The following ATP8B4 variants were observed in gnomAD, a reference collection of about 807,000 sequenced individuals.
ATP8B4 encodes ATPase phospholipid transporting 8B4 (putative), also known as probable phospholipid-transporting ATPase IM.
A neutral mutation model predicts 145.6 loss-of-function variants in ATP8B4; 133 were observed. That is an observed-to-expected ratio of 0.91 (90% confidence interval 0.79 to 1.05). ATP8B4 has a LOEUF of 1.05. ATP8B4 is among the 50% of genes least tolerant of loss of function. The probability of loss-of-function intolerance (pLI) is 0.00; values close to 1 mark genes in which losing one functional copy is unlikely to be tolerated. For synonymous variants in ATP8B4, 507 were observed against 492.9 expected, an observed-to-expected ratio of 1.03 and a Z score of -0.38; for missense variants, 1,458 against 1,425.2, an observed-to-expected ratio of 1.02 and a Z score of -0.37.
intron 23 of ATP8B4, among the ~76,000 whole-genome samples, chr15:49,882,569 A>C (rs1014206533): frequency 1.3e-5 from 2 of 152,256 alleles, no homozygotes; most frequent in South Asian, 2.1e-4. Flanking sequence ...AAAGAATTAT[A>C]ACTATATCCC....
At chr15:49,987,276 G>T in intron 10 of ATP8B4, 115 bp downstream of exon 10, 2 of 1,260,968 alleles carry the variant, frequency 1.6e-6, no homozygotes, top group South Asian at 1.8e-5. Flanking sequence ...TCCAGAGCAC[G>T]ACTTTGCATG....
intron 3 of ATP8B4, among the ~76,000 whole-genome samples, chr15:50,062,072 T>C (rs962855788): frequency 3.9e-5 from 6 of 152,184 alleles, no homozygotes. Context: ...TTTAAGTGTC[T>C]AGAGCATTTA....
intron 1 of ATP8B4, among the ~76,000 whole-genome samples, chr15:50,135,058 G>A (rs1176682025): frequency 1.3e-5 from 2 of 152,214 alleles, no homozygotes; most frequent in Non-Finnish European, 2.9e-5. Context: ...CAAGTGGGTT[G>A]TCTAGAACAA....
intron 23 of ATP8B4, among the ~76,000 whole-genome samples, chr15:49,890,111 G>A (rs929888585): frequency 2.6e-5 from 4 of 152,216 alleles, no homozygotes; most frequent in Non-Finnish European, 5.9e-5. Flanking sequence ...CTTGAGGGTA[G>A]GAACAGCATC....
chr15:49,860,098 C>T lies in ATP8B4; in HGVS notation c.*96G>A. 2 of 1,429,276 alleles carry T rather than the reference C, an allele frequency of 1.4e-6. No homozygotes were observed. Among genetic ancestry groups the T allele is most frequent in the East Asian group, 4.6e-5 (2 of 43,712 alleles). 88.5% of individuals were successfully genotyped at this position (1,429,276 alleles called of 1,614,324 possible). ...AAGTTAAGTGAGGCAATCTGCCTGC[C>T]CCACCTCTTGCCTCAAATCTCAAAC... On this transcript the variant is annotated 3_prime_UTR_variant, in exon 28 of 28. Transcript: ENST00000284509.
intron 14 of ATP8B4, among the ~76,000 whole-genome samples, chr15:49,950,590 TAAA>T (rs766902500): frequency 6.5e-5 from 3 of 46,322 alleles, no homozygotes; most frequent in African/African-American, 1.7e-4. Context: ...ATGTATTAAC[TAAA>T]AAAAAAAAAC....
intron 9 of ATP8B4, among the ~76,000 whole-genome samples, chr15:49,993,841 A>G (rs1023857401): frequency 2.6e-5 from 4 of 152,124 alleles, no homozygotes; most frequent in African/African-American, 9.7e-5. Flanking sequence ...TTTTCTGAAA[A>G]GCTGACCACA....
At chr15:49,931,397 C>G in intron 15 of ATP8B4, 90 bp from the exon 16 acceptor site, 1 of 1,230,594 alleles carries the variant, frequency 8.1e-7, no homozygotes, top group Non-Finnish European at 1.1e-6. Flanking sequence ...TATTTAACAC[C>G]CAACTCAAGC....
rs1462107913 is a variant in ATP8B4 at position 49,859,580 on chromosome 15, C to T, written c.*614G>A. The T allele has an allele frequency of 5.3e-5, 8 of 152,208 alleles. No individual in the cohort carries two copies. The highest frequency in any genetic ancestry group is 1.9e-4 in the African/African-American group (8 of 41,416). 9.4% of individuals were successfully genotyped at this position (152,208 alleles called of 1,614,324 possible). Reference sequence around the variant, plus strand: ...GCAAAGATGTTCAGTCTCCTTTGTCCCTAGACTGGTATAAAAATGAGAAAC... The same window carrying T: ...GCAAAGATGTTCAGTCTCCTTTGTCTCTAGACTGGTATAAAAATGAGAAAC... On this transcript the variant is annotated 3_prime_UTR_variant, in exon 28 of 28. Coordinates refer to ENST00000284509, the MANE Select transcript of ATP8B4 (RefSeq NM_024837.4).
Position 50,085,379 on chromosome 15 carries a change from G to A in ATP8B4, c.29-11194C>T, listed in dbSNP as rs532326017. On this transcript the variant is annotated intron_variant, in intron 2 of 27. Coordinates refer to ENST00000284509, the MANE Select transcript of ATP8B4 (RefSeq NM_024837.4). ...TGCCTAATATCAGATGGTGCTGCTC[G>A]GAACCAGATAAGGGGCAATCAGGTG... Among the ~76,000 whole-genome samples, 13 of 152,158 alleles carry A rather than the reference G, an allele frequency of 8.5e-5. No homozygotes were observed. The East Asian group carries it at 2.3e-3, about 27-fold the overall frequency.
chr15:49,889,250 A>G (rs990113894), intron 23 of ATP8B4, among the ~76,000 whole-genome samples: 2 of 152,070 alleles, frequency 1.3e-5, no homozygotes, highest in African/African-American at 4.8e-5. Flanking sequence ...CCTACCGCTG[A>G]TCCTCAGCTC....
intron 6 of ATP8B4, among the ~76,000 whole-genome samples, chr15:50,017,453 C>G (rs2049177062): frequency 6.6e-6 from 1 of 152,108 alleles, no homozygotes; most frequent in Non-Finnish European, 1.5e-5. Context: ...AGAATTCACT[C>G]TTACTAAGCT....
intron 1 of ATP8B4, among the ~76,000 whole-genome samples, chr15:50,108,823 TTA>T (rs1279183161): frequency 6.6e-6 from 1 of 152,192 alleles, no homozygotes; most frequent in African/African-American, 2.4e-5. Flanking sequence ...TATTTCCCCA[TTA>T]TTCCACAAAC....
At chr15:49,973,538 C>A in intron 12 of ATP8B4, among the ~76,000 whole-genome samples, 1 of 152,138 alleles carries the variant, frequency 6.6e-6, no homozygotes, top group East Asian at 1.9e-4. Context: ...CAAACCATAA[C>A]AAATACTGAG....
intron 2 of ATP8B4, among the ~76,000 whole-genome samples, chr15:50,087,441 A>G (rs1600296936): frequency 6.8e-6 from 1 of 146,888 alleles, no homozygotes; most frequent in East Asian, 2.0e-4. Flanking sequence ...TTGATACATA[A>G]TATATATACA....
At chr15:50,061,118 T>A (rs2052984327) in intron 3 of ATP8B4, among the ~76,000 whole-genome samples, 1 of 152,086 alleles carries the variant, frequency 6.6e-6, no homozygotes, top group Non-Finnish European at 1.5e-5. Flanking sequence ...AGAAGTACAA[T>A]GTGCCCTTTT....
rs80296732 is a variant in ATP8B4, at chr15:49,928,017, C to A, written c.1642+3102G>T. 9.9e-3 allele frequency among the ~76,000 whole-genome samples: 1,508 copies of A among 152,162 alleles called. 32 individuals carry two copies. Among genetic ancestry groups the A allele is most frequent in the African/African-American group, 0.035 (1,467 of 41,542 alleles). On this transcript the variant is annotated intron_variant, in intron 16 of 27. Coordinates refer to ENST00000284509, the MANE Select transcript of ATP8B4 (RefSeq NM_024837.4). ...AAATAGTAAGAAATTGATTAAATAC[C>A]ATGAGTAGGATATTCATAATTTACA...
intron 23 of ATP8B4, among the ~76,000 whole-genome samples, chr15:49,889,245 C>A (rs770699354): frequency 1.3e-4 from 20 of 151,978 alleles, no homozygotes; most frequent in Non-Finnish European, 1.9e-4. Flanking sequence ...CCTTGCCTAC[C>A]GCTGATCCTC....
chr15:49,876,806 A>G (rs1199087184), intron 24 of ATP8B4: 3 of 531,820 alleles, frequency 5.6e-6, no homozygotes, highest in Non-Finnish European at 1.1e-5. Context: ...GAGCCTAGCT[A>G]TTTGGCTTCA....
Sources: allele counts gnomAD v4.1 joint callset (sites outside exome capture counted in the v4.1 genomes callset), GRCh38; gene constraint gnomAD v4.1.1; transcripts MANE v1.5; gene names NCBI Gene and HGNC (gene_info 2026-07-23, HGNC 2026-07-21).